The following CACNB2 variants were observed in gnomAD, a reference collection of about 807,000 sequenced individuals.
The protein encoded by CACNB2 is voltage-dependent L-type calcium channel subunit beta-2.
A neutral mutation model predicts 73.3 loss-of-function variants in CACNB2; 42 were observed. The observed-to-expected ratio is 0.57, with a 90% CI of 0.45 to 0.74. The LOEUF (loss-of-function observed/expected upper bound fraction) is 0.74, where lower values mean the gene tolerates loss of function less well. Ranked by LOEUF, CACNB2 falls within the 30% of genes least tolerant of loss-of-function variation. The probability of loss-of-function intolerance (pLI) is 0.00; values close to 1 mark genes in which losing one functional copy is unlikely to be tolerated. For missense variants in CACNB2, 940 were observed against 853.0 expected (o/e 1.10, Z -1.27); for synonymous variants, 348 against 310.3 (o/e 1.12, Z -1.28).
At chr10:18,312,819 G>A (rs995551253) in intron 2 of CACNB2, among the ~76,000 whole-genome samples, 2 of 152,096 alleles carry the variant, frequency 1.3e-5, no homozygotes, top group Non-Finnish European at 2.9e-5. Flanking sequence ...GGGGGCGGGG[G>A]CATTCAAATG....
chr10:18,506,415 T>C (rs2050491742), intron 5 of CACNB2, 56 bp from the exon 6 acceptor site: 1 of 865,514 alleles, frequency 1.2e-6, no homozygotes, highest in Non-Finnish European at 2.0e-6. Flanking sequence ...ATAATATAAA[T>C]GTTTGAGGAT....
intron 3 of CACNB2, among the ~76,000 whole-genome samples, chr10:18,414,099 A>T (rs930643623): frequency 2.0e-5 from 3 of 152,236 alleles, no homozygotes; most frequent in African/African-American, 7.2e-5. Flanking sequence ...GCTGCCTGGG[A>T]TATGACTGGC....
chr10:18,508,644 C>A (rs1283720657), intron 6 of CACNB2, among the ~76,000 whole-genome samples: 1 of 152,158 alleles, frequency 6.6e-6, no homozygotes, highest in African/African-American at 2.4e-5. Flanking sequence ...GTTTTGGCAA[C>A]ACAGATGCTC....
At chr10:18,449,772 C>T (rs868342838) in intron 3 of CACNB2, among the ~76,000 whole-genome samples, 10 of 152,204 alleles carry the variant, frequency 6.6e-5, no homozygotes, top group African/African-American at 2.4e-4. Flanking sequence ...TAAAGGAACC[C>T]GGAGCATATC....
intron 3 of CACNB2, among the ~76,000 whole-genome samples, chr10:18,449,377 TC>T (rs2046906134): frequency 6.6e-6 from 1 of 151,934 alleles, no homozygotes; most frequent in South Asian, 2.1e-4. Context: ...AGAGCGAGAC[TC>T]CATAAAATAA....
At chr10:18,483,076 G>A (rs77135822) in intron 3 of CACNB2, among the ~76,000 whole-genome samples, 47 of 152,288 alleles carry the variant, frequency 3.1e-4, no homozygotes, top group African/African-American at 1.1e-3. Context: ...TGAAGCAAGG[G>A]CAGCAGCAAA....
chr10:18,452,096 A>C (rs2047047354), intron 3 of CACNB2, among the ~76,000 whole-genome samples: 1 of 152,174 alleles, frequency 6.6e-6, no homozygotes, highest in Non-Finnish European at 1.5e-5. Context: ...TTCCTATCTT[A>C]GTAAATTAAT....
At chr10:18,508,980 G>A (rs1039167666) in intron 6 of CACNB2, among the ~76,000 whole-genome samples, 5 of 152,202 alleles carry the variant, frequency 3.3e-5, no homozygotes, top group Non-Finnish European at 7.3e-5. Context: ...GTTCCATGAA[G>A]AGTGTAATAT....
At chr10:18,322,377 T>C (rs1029250429) in intron 2 of CACNB2, among the ~76,000 whole-genome samples, 1 of 152,230 alleles carries the variant, frequency 6.6e-6, no homozygotes, top group African/African-American at 2.4e-5. Flanking sequence ...AGTGAGCAGA[T>C]ATTTTGTGGT....
At chr10:18,489,390 CAAAAAA>C (rs66974116) in intron 3 of CACNB2, among the ~76,000 whole-genome samples, 1 of 59,802 alleles carries the variant, frequency 1.7e-5, no homozygotes, top group African/African-American at 6.9e-5. Flanking sequence ...AACTCCATCT[CAAAAAA>C]AAAAAAAAAA....
intron 12 of CACNB2, among the ~76,000 whole-genome samples, chr10:18,537,163 T>C (rs2053683756): frequency 6.6e-6 from 1 of 151,910 alleles, no homozygotes; most frequent in South Asian, 2.1e-4. Flanking sequence ...AATTTTTGTA[T>C]TCTTAGTAGA....
intron 3 of CACNB2, among the ~76,000 whole-genome samples, chr10:18,402,902 T>G (rs1217419069): frequency 2.0e-5 from 3 of 152,208 alleles, no homozygotes; most frequent in African/African-American, 7.2e-5. Flanking sequence ...AATACCAGGA[T>G]AGCATTTCTA....
intron 2 of CACNB2, among the ~76,000 whole-genome samples, chr10:18,215,339 T>A (rs2035471158): frequency 6.6e-6 from 1 of 152,196 alleles, no homozygotes; most frequent in Non-Finnish European, 1.5e-5. Flanking sequence ...GGAGCGGGTC[T>A]GACGGTGAGA....
At chr10:18,298,613 A>G (rs2039375114) in intron 2 of CACNB2, among the ~76,000 whole-genome samples, 1 of 152,190 alleles carries the variant, frequency 6.6e-6, no homozygotes, top group South Asian at 2.1e-4. Flanking sequence ...CTGGGTCTAT[A>G]TCCGGTTTGG....
intron 3 of CACNB2, among the ~76,000 whole-genome samples, chr10:18,493,422 T>C (rs903579329): frequency 2.0e-5 from 3 of 152,142 alleles, no homozygotes; most frequent in Non-Finnish European, 2.9e-5. Context: ...CACCTCTGCC[T>C]CCCAAAGTGC....
chr10:18,168,593 AC>A (rs2033028401), intron 2 of CACNB2, among the ~76,000 whole-genome samples: 1 of 152,038 alleles, frequency 6.6e-6, no homozygotes, highest in South Asian at 2.1e-4. Flanking sequence ...AGCACCTCAC[AC>A]TGCCACTTTT....
At chr10:18,293,122 T>C (rs934607002) in intron 2 of CACNB2, among the ~76,000 whole-genome samples, 2 of 152,238 alleles carry the variant, frequency 1.3e-5, no homozygotes, top group African/African-American at 4.8e-5. Context: ...AGTTATTCTT[T>C]AAGAGTACTT....
chr10:18,268,148 A>G lies in CACNB2; in HGVS notation c.213+117173A>G, dbSNP rs527342793. 7.9e-5 allele frequency among the ~76,000 whole-genome samples: 12 copies of G among 152,360 alleles called. No homozygotes were observed. In the South Asian group the frequency reaches 2.5e-3, roughly 32 times the overall value. ...TTTAGAAGGATGCCTTCATTGTTTT[A>G]AAGAAAGCTCTTGTAAAGCGTATTG... On this transcript the variant is annotated intron_variant, in intron 2 of 13. Coordinates refer to ENST00000324631, the MANE Select transcript of CACNB2 (RefSeq NM_201596.3).
chr10:18,157,390 T>C (rs1189384413), intron 2 of CACNB2, among the ~76,000 whole-genome samples: 1 of 152,222 alleles, frequency 6.6e-6, no homozygotes, highest in African/African-American at 2.4e-5. Context: ...AAAAAAATGC[T>C]TACCTCAAAA....
Sources: gnomAD v4.1 joint callset for allele counts (sites outside exome capture counted in the v4.1 genomes callset) on GRCh38, gnomAD v4.1.1 for gene constraint, MANE v1.5 for transcripts, NCBI Gene and HGNC (gene_info 2026-07-23, HGNC 2026-07-21) for gene names.